Variants in AGBL4 observed in about 807,000 individuals in gnomAD.
AGBL4 encodes cytosolic carboxypeptidase 6.
AGBL4 carries 58 observed loss-of-function variants against 66.4 expected under a neutral mutation model. That is an observed-to-expected ratio of 0.87 (90% CI 0.71 to 1.09). AGBL4 has a LOEUF of 1.09. Ranked by LOEUF, AGBL4 falls within the 50% of genes least tolerant of loss-of-function variation. The pLI is 0.00. For synonymous variants in AGBL4, 234 were observed against 222.9 expected (o/e 1.05, Z -0.44); for missense variants, 579 against 631.0 (o/e 0.92, Z 0.88).
chr1:50,023,694 C>T (rs936047236), intron 1 of AGBL4, 69 bp downstream of exon 1: 2 of 1,502,752 alleles, frequency 1.3e-6, no homozygotes, highest in African/African-American at 2.8e-5. Flanking sequence ...ATGCCCGAGT[C>T]CCCTGTTGCC....
At chr1:49,008,327 C>A (rs1662041196) in intron 5 of AGBL4, among the ~76,000 whole-genome samples, 1 of 152,036 alleles carries the variant, frequency 6.6e-6, no homozygotes. Flanking sequence ...GAAGAGCTAA[C>A]TATCCTAAAT....
intron 9 of AGBL4, among the ~76,000 whole-genome samples, chr1:48,605,378 CTG>C (rs1183827857): frequency 1.3e-5 from 2 of 152,314 alleles, no homozygotes; most frequent in East Asian, 3.9e-4. Flanking sequence ...AGCTTCCAGA[CTG>C]TGTGATGCTC....
intron 3 of AGBL4, among the ~76,000 whole-genome samples, chr1:49,263,196 C>G (rs1490969179): frequency 1.3e-5 from 2 of 151,932 alleles, no homozygotes; most frequent in East Asian, 3.9e-4. Flanking sequence ...AGGAGATATA[C>G]CTAATGCTAA....
At chr1:48,748,800 C>T (rs1651183514) in intron 6 of AGBL4, among the ~76,000 whole-genome samples, 1 of 151,998 alleles carries the variant, frequency 6.6e-6, no homozygotes, top group Admixed American at 6.6e-5. Flanking sequence ...TGCGCGACAT[C>T]TTGGGGAGGT....
At chr1:49,462,620 C>A (rs1416887297) in intron 3 of AGBL4, among the ~76,000 whole-genome samples, 1 of 151,740 alleles carries the variant, frequency 6.6e-6, no homozygotes, top group African/African-American at 2.4e-5. Context: ...GCATTAAAGA[C>A]TATTTCATGT....
At chr1:49,524,216 G>T (rs1376725453) in intron 3 of AGBL4, among the ~76,000 whole-genome samples, 2 of 151,920 alleles carry the variant, frequency 1.3e-5, no homozygotes, top group Non-Finnish European at 2.9e-5. Flanking sequence ...TAATAATAAA[G>T]AATACTTTCT....
chr1:49,081,958 A>T (rs768449421), intron 4 of AGBL4, among the ~76,000 whole-genome samples: 3 of 152,182 alleles, frequency 2.0e-5, no homozygotes, highest in Non-Finnish European at 4.4e-5. Context: ...TGGATTTAGG[A>T]GCAACAGTAG....
chr1:49,537,204 C>T (rs1032117472), intron 3 of AGBL4, among the ~76,000 whole-genome samples: 1 of 152,058 alleles, frequency 6.6e-6, no homozygotes, highest in African/African-American at 2.4e-5. Flanking sequence ...AGACAAAAAT[C>T]TAGGGAATCT....
intron 1 of AGBL4, among the ~76,000 whole-genome samples, chr1:49,998,122 C>CA (rs567226918): frequency 7.3e-4 from 106 of 146,108 alleles, no homozygotes; most frequent in Admixed American, 1.4e-3. Context: ...GAAATTGAAA[C>CA]AAAAAAAAAC....
At chr1:49,295,627 C>T (rs1644629065) in intron 3 of AGBL4, among the ~76,000 whole-genome samples, 1 of 152,038 alleles carries the variant, frequency 6.6e-6, no homozygotes, top group South Asian at 2.1e-4. Flanking sequence ...CACTAGAGCC[C>T]AGACTTCCTA....
At chr1:49,417,148 G>T (rs1645444325) in intron 3 of AGBL4, among the ~76,000 whole-genome samples, 1 of 152,036 alleles carries the variant, frequency 6.6e-6, no homozygotes, top group Non-Finnish European at 1.5e-5. Flanking sequence ...AAGTGTCATA[G>T]GCTATGATCA....
intron 3 of AGBL4, among the ~76,000 whole-genome samples, chr1:49,314,283 G>T (rs1250369993): frequency 6.6e-6 from 1 of 151,946 alleles, no homozygotes; most frequent in Non-Finnish European, 1.5e-5. Context: ...TGCAGAACTT[G>T]CAGGTTTGTT....
chr1:49,341,241 T>C (rs1645533848), intron 3 of AGBL4, among the ~76,000 whole-genome samples: 2 of 152,190 alleles, frequency 1.3e-5, no homozygotes, highest in African/African-American at 4.8e-5. Flanking sequence ...CTCTTTCCAG[T>C]AACATATTCC....
intron 1 of AGBL4, among the ~76,000 whole-genome samples, chr1:49,888,108 T>C (rs1432946990): frequency 1.3e-5 from 2 of 152,132 alleles, no homozygotes; most frequent in African/African-American, 2.4e-5. Flanking sequence ...TAAACAAAAA[T>C]GTTAAGCCAA....
chr1:49,931,003 T>C (rs1653292502), intron 1 of AGBL4, among the ~76,000 whole-genome samples: 1 of 151,922 alleles, frequency 6.6e-6, no homozygotes, highest in African/African-American at 2.4e-5. Context: ...ATGTAGAAAA[T>C]CCTACGGAAA....
At chr1:49,464,491 T>G (rs1646583308) in intron 3 of AGBL4, among the ~76,000 whole-genome samples, 1 of 151,804 alleles carries the variant, frequency 6.6e-6, no homozygotes, top group African/African-American at 2.4e-5. Flanking sequence ...TGAGTACACC[T>G]TCTTTGATTC....
chr1:49,603,102 A>C (rs1644993003), intron 3 of AGBL4, among the ~76,000 whole-genome samples: 1 of 152,158 alleles, frequency 6.6e-6, no homozygotes, highest in African/African-American at 2.4e-5. Flanking sequence ...ATTCGACTCC[A>C]GCTAAGCCTT....
At chr1:49,226,686 T>C (rs1649935353) in intron 4 of AGBL4, among the ~76,000 whole-genome samples, 1 of 152,164 alleles carries the variant, frequency 6.6e-6, no homozygotes, top group Non-Finnish European at 1.5e-5. Flanking sequence ...CTTTAGCCCC[T>C]AAACAAACAA....
At chr1:48,604,110 G>T (rs1645117741) in intron 9 of AGBL4, among the ~76,000 whole-genome samples, 1 of 151,638 alleles carries the variant, frequency 6.6e-6, no homozygotes, top group African/African-American at 2.4e-5. Flanking sequence ...TACAGCCTGG[G>T]CTACGGAGCG....
Sources: gnomAD v4.1 joint callset for allele counts (sites outside exome capture counted in the v4.1 genomes callset) on GRCh38, gnomAD v4.1.1 for gene constraint, MANE v1.5 for transcripts, NCBI Gene and HGNC (gene_info 2026-07-23, HGNC 2026-07-21) for gene names.